The following CCNY variants were observed in gnomAD, a reference collection of about 807,000 sequenced individuals.
CCNY encodes cyclin Y, also known as cyclin-Y.
A neutral mutation model predicts 42.8 loss-of-function variants in CCNY; 19 were observed. That is an observed-to-expected ratio of 0.44 (90% confidence interval 0.31 to 0.65). The LOEUF (loss-of-function observed/expected upper bound fraction) is 0.65. Among genes scored for constraint, CCNY ranks in the 30% least tolerant of loss-of-function variants. CCNY has a pLI of 0.07. For synonymous variants in CCNY, 165 were observed against 162.7 expected (o/e 1.01, Z -0.11); for missense variants, 370 against 437.3 (o/e 0.85, Z 1.37).
intron 3 of CCNY, among the ~76,000 whole-genome samples, chr10:35,283,858 C>A (rs937414230): frequency 6.6e-6 from 1 of 152,056 alleles, no homozygotes; most frequent in Non-Finnish European, 1.5e-5. Context: ...CCGAGGAGGG[C>A]GGATCACTTG....
chr10:35,425,519 T>A (rs1211842486), intron 1 of CCNY, among the ~76,000 whole-genome samples: 2 of 152,208 alleles, frequency 1.3e-5, no homozygotes, highest in African/African-American at 4.8e-5. Flanking sequence ...GGTACATTCA[T>A]AGAGTGGGAT....
chr10:35,302,501 G>C (rs1164707424), intron 3 of CCNY, among the ~76,000 whole-genome samples: 2 of 151,576 alleles, frequency 1.3e-5, no homozygotes, highest in East Asian at 3.9e-4. Context: ...GGTAGAGACG[G>C]GGTTTCTCCA....
chr10:35,319,949 C>CA (rs919660684), intron 3 of CCNY, among the ~76,000 whole-genome samples: 3 of 149,746 alleles, frequency 2.0e-5, no homozygotes, highest in African/African-American at 4.9e-5. Flanking sequence ...CACTCTGTCT[C>CA]AAAAAAAGAA....
chr10:35,485,463 C>T (rs958352811), intron 2 of CCNY, among the ~76,000 whole-genome samples: 7 of 152,176 alleles, frequency 4.6e-5, no homozygotes, highest in Admixed American at 2.0e-4. Flanking sequence ...CGGTGGCTCA[C>T]GCCTGTAATC....
intron 8 of CCNY, among the ~76,000 whole-genome samples, chr10:35,564,342 C>G (rs192799242): frequency 6.6e-6 from 1 of 152,234 alleles, no homozygotes; most frequent in Non-Finnish European, 1.5e-5. Flanking sequence ...GCCCACAGGT[C>G]CCAGTGCTCC....
intron 3 of CCNY, among the ~76,000 whole-genome samples, chr10:35,330,355 T>TA (rs774443508): frequency 4.6e-5 from 7 of 152,216 alleles, no homozygotes; most frequent in Non-Finnish European, 7.3e-5. Flanking sequence ...ACCTATACCG[T>TA]ATCTTGGCTC....
At chr10:35,253,893 T>TTAG (rs2095713701) in intron 3 of CCNY, among the ~76,000 whole-genome samples, 1 of 122,028 alleles carries the variant, frequency 8.2e-6, no homozygotes, top group African/African-American at 3.3e-5. Context: ...TTTTTTTTTT[T>TTAG]GAGACGGAGT....
chr10:35,462,916 G>C lies in CCNY; in HGVS notation c.155-20488G>C, dbSNP rs529856638. Reference sequence around the variant, plus strand: ...ATCTTGGCATTCCCAGCATTGTATTGTGTATCAGCTACGTTAGGCCTTAGT... The same window carrying C: ...ATCTTGGCATTCCCAGCATTGTATTCTGTATCAGCTACGTTAGGCCTTAGT... On this transcript the variant is annotated intron_variant, in intron 1 of 9. Transcript: ENST00000374704. Among the ~76,000 whole-genome samples the C allele has an allele frequency of 5.1e-4, 77 of 152,364 alleles. No individual in the cohort carries two copies. In the South Asian group the frequency reaches 0.015, roughly 29 times the overall value.
At chr10:35,472,854 A>G (rs1839417764) in intron 1 of CCNY, among the ~76,000 whole-genome samples, 1 of 152,208 alleles carries the variant, frequency 6.6e-6, no homozygotes, top group African/African-American at 2.4e-5. Context: ...GGTCATGTAG[A>G]ATAGGAAAGT....
chr10:35,482,330 A>T (rs1839686955), intron 1 of CCNY, among the ~76,000 whole-genome samples: 1 of 152,208 alleles, frequency 6.6e-6, no homozygotes, highest in Admixed American at 6.5e-5. Context: ...AAGAAGTTTT[A>T]TTCTGACTCT....
At chr10:35,323,012 C>T (rs536115656) in intron 3 of CCNY, among the ~76,000 whole-genome samples, 13 of 152,116 alleles carry the variant, frequency 8.5e-5, no homozygotes, top group Non-Finnish European at 1.9e-4. Context: ...GTCTCACCTC[C>T]ACCTCCCAGG....
chr10:35,564,752 C>A (rs1841535267), intron 8 of CCNY, among the ~76,000 whole-genome samples: 1 of 152,232 alleles, frequency 6.6e-6, no homozygotes, highest in Admixed American at 6.5e-5. Context: ...TGAAACACCC[C>A]CTCCTCAGCC....
At chr10:35,344,325 A>G (rs187195878) in intron 1 of CCNY, among the ~76,000 whole-genome samples, 128 of 152,316 alleles carry the variant, frequency 8.4e-4, no homozygotes, top group African/African-American at 2.7e-3. Context: ...ATGAGGTTCT[A>G]CTTTTACTGA....
At chr10:35,349,083 T>C (rs1836371914) in intron 1 of CCNY, among the ~76,000 whole-genome samples, 1 of 152,150 alleles carries the variant, frequency 6.6e-6, no homozygotes, top group Admixed American at 6.5e-5. Flanking sequence ...CCTTTTTGTG[T>C]ATCAGCGGGT....
chr10:35,298,280 C>T (rs1275182162), intron 3 of CCNY, among the ~76,000 whole-genome samples: 2 of 152,160 alleles, frequency 1.3e-5, no homozygotes, highest in African/African-American at 2.4e-5. Flanking sequence ...TTTCCATCAT[C>T]CCCCAAAGTT....
intron 1 of CCNY, among the ~76,000 whole-genome samples, chr10:35,479,660 A>G (rs1373543545): frequency 4.0e-5 from 6 of 150,534 alleles, no homozygotes; most frequent in Non-Finnish European, 8.9e-5. Flanking sequence ...CTAATGCTAG[A>G]TGACGAGTTA....
At chr10:35,418,775 C>T (rs563500107) in intron 1 of CCNY, among the ~76,000 whole-genome samples, 9 of 151,856 alleles carry the variant, frequency 5.9e-5, no homozygotes, top group Admixed American at 6.6e-5. Flanking sequence ...GTGATGTAGG[C>T]GGTTTCTTTC....
At chr10:35,489,760 T>A (rs935832413) in intron 2 of CCNY, among the ~76,000 whole-genome samples, 2 of 152,102 alleles carry the variant, frequency 1.3e-5, no homozygotes, top group Non-Finnish European at 1.5e-5. Context: ...CCTTCTATTT[T>A]ATTGACAGTA....
At chr10:35,547,992 G>A (rs1189816156) in intron 7 of CCNY, among the ~76,000 whole-genome samples, 1 of 151,882 alleles carries the variant, frequency 6.6e-6, no homozygotes, top group Non-Finnish European at 1.5e-5. Flanking sequence ...ACAGCTTATT[G>A]GCTATTTGCC....
Sources: allele counts gnomAD v4.1 joint callset (sites outside exome capture counted in the v4.1 genomes callset), GRCh38; gene constraint gnomAD v4.1.1; transcripts MANE v1.5; gene names NCBI Gene and HGNC (gene_info 2026-07-23, HGNC 2026-07-21).